DLC1: variants seen among roughly 807,000 people sequenced by gnomAD.
DLC1 encodes the protein DLC1 Rho GTPase activating protein, also known as rho GTPase-activating protein 7.
A neutral mutation model predicts 140.3 loss-of-function variants in DLC1; 54 were observed. That is an observed-to-expected ratio of 0.38 (90% CI 0.31 to 0.48). DLC1 has a LOEUF of 0.48. Among genes scored for constraint, DLC1 ranks in the 20% least tolerant of loss-of-function variants. DLC1 has a pLI of 0.96. For synonymous variants in DLC1, 986 were observed against 728.1 expected (o/e 1.35, Z -5.70); for missense variants, 2,536 against 1,907.0 (o/e 1.33, Z -6.14).
chr8:13,196,348 C>A (rs1383824794), intron 5 of DLC1, among the ~76,000 whole-genome samples: 3 of 152,084 alleles, frequency 2.0e-5, no homozygotes, highest in Non-Finnish European at 2.9e-5. Context: ...TTTCTCTATT[C>A]AAAGGGATTG....
intron 1 of DLC1, among the ~76,000 whole-genome samples, chr8:13,554,344 G>C (rs113797931): frequency 4.3e-4 from 65 of 152,252 alleles, no homozygotes; most frequent in African/African-American, 1.4e-3. Context: ...GGGATTACGC[G>C]CGTGAGCCAC....
At chr8:13,417,572 G>A (rs2117328658) in intron 2 of DLC1, among the ~76,000 whole-genome samples, 1 of 151,768 alleles carries the variant, frequency 6.6e-6, no homozygotes, top group South Asian at 2.1e-4. Context: ...AGTATTCCAT[G>A]GTGTATATGT....
At chr8:13,206,024 C>T (rs944924561) in intron 5 of DLC1, among the ~76,000 whole-genome samples, 4 of 152,094 alleles carry the variant, frequency 2.6e-5, no homozygotes, top group African/African-American at 9.7e-5. Flanking sequence ...GAACCTTGAC[C>T]TAGAGGAAAA....
At chr8:13,515,605 C>T (rs1362425991), upstream of DLC1, 2 of 152,178 alleles carry the variant, frequency 1.3e-5, no homozygotes, top group African/African-American at 4.8e-5. Flanking sequence ...ATCTCTAAAG[C>T]CGCTCATGGT....
At chr8:13,119,522 G>C (rs867241843) in intron 5 of DLC1, among the ~76,000 whole-genome samples, 1 of 152,062 alleles carries the variant, frequency 6.6e-6, no homozygotes, top group Admixed American at 6.5e-5. Flanking sequence ...TGCTTAATAC[G>C]CATAAGGCCC....
intron 4 of DLC1, among the ~76,000 whole-genome samples, chr8:13,392,205 A>G (rs1473512293): frequency 1.3e-5 from 2 of 152,148 alleles, no homozygotes; most frequent in Non-Finnish European, 1.5e-5. Context: ...CATAGCTTGT[A>G]CAGCATTTCA....
At chr8:13,596,717 C>G (rs754575975) in intron 1 of DLC1, among the ~76,000 whole-genome samples, 1 of 151,986 alleles carries the variant, frequency 6.6e-6, no homozygotes, top group Non-Finnish European at 1.5e-5. Context: ...CAGCCTCCAT[C>G]TAAAACCCTG....
chr8:13,565,302 GATTTT>G (rs1476906270), intron 1 of DLC1, among the ~76,000 whole-genome samples: 12 of 152,272 alleles, frequency 7.9e-5, no homozygotes, highest in East Asian at 5.8e-4. Flanking sequence ...GACACAGATA[GATTTT>G]ATTTTAAGTA....
At chr8:13,133,397 T>C (rs986353171) in intron 5 of DLC1, 21 of 773,446 alleles carry the variant, frequency 2.7e-5, no homozygotes, top group Non-Finnish European at 2.8e-5. Flanking sequence ...GTCGCAGGCC[T>C]TAGCGACGGG....
At chr8:13,303,995 A>G (rs77102888) in intron 5 of DLC1, among the ~76,000 whole-genome samples, 4,738 of 151,768 alleles carry the variant, frequency 0.031, 124 homozygotes, top group African/African-American at 0.071. Context: ...TCACATCCTC[A>G]TTTTCTTCTT....
At chr8:13,104,772 T>C (rs1232218246) in intron 7 of DLC1, among the ~76,000 whole-genome samples, 1 of 152,232 alleles carries the variant, frequency 6.6e-6, no homozygotes, top group Non-Finnish European at 1.5e-5. Context: ...GGTGGTAGCC[T>C]GTTTATAGAA....
At chr8:13,495,316 C>T (rs963602139) in intron 2 of DLC1, among the ~76,000 whole-genome samples, 3 of 152,132 alleles carry the variant, frequency 2.0e-5, no homozygotes, top group Non-Finnish European at 2.9e-5. Context: ...TCCATCTTCA[C>T]ATCTCATCTG....
chr8:13,479,367 CAA>C (rs532754090), intron 2 of DLC1, among the ~76,000 whole-genome samples: 2 of 151,674 alleles, frequency 1.3e-5, no homozygotes, highest in Non-Finnish European at 2.9e-5. Flanking sequence ...AGCAAAAATA[CAA>C]AAAAAGGTCG....
intron 2 of DLC1, among the ~76,000 whole-genome samples, chr8:13,443,486 C>T (rs553267085): frequency 2.0e-5 from 3 of 150,998 alleles, no homozygotes; most frequent in East Asian, 3.9e-4. Context: ...GGTGAAACCC[C>T]GTCTCTACTA....
intron 1 of DLC1, among the ~76,000 whole-genome samples, chr8:13,578,439 T>G (rs931459186): frequency 1.3e-5 from 2 of 152,144 alleles, no homozygotes; most frequent in Non-Finnish European, 2.9e-5. Flanking sequence ...ACAAACTGGG[T>G]GTCCTAGAAT....
At chr8:13,313,427 A>G (rs967619665) in intron 4 of DLC1, among the ~76,000 whole-genome samples, 10 of 152,218 alleles carry the variant, frequency 6.6e-5, no homozygotes, top group African/African-American at 2.4e-4. Context: ...TCTTACTGCC[A>G]CTAATTGGCA....
intron 4 of DLC1, among the ~76,000 whole-genome samples, chr8:13,385,924 T>C (rs1836501767): frequency 6.6e-6 from 1 of 152,172 alleles, no homozygotes; most frequent in African/African-American, 2.4e-5. Flanking sequence ...TGGAGACAAC[T>C]AGGTTTGAAA....
intron 1 of DLC1, among the ~76,000 whole-genome samples, chr8:13,537,003 G>C: frequency 6.6e-6 from 1 of 152,132 alleles, no homozygotes; most frequent in East Asian, 1.9e-4. Context: ...TTCTTGTTAA[G>C]TAGCCAATAT....
At chr8:13,214,510 A>C in intron 5 of DLC1, 1 of 673,262 alleles carries the variant, frequency 1.5e-6, no homozygotes, top group Non-Finnish European at 2.7e-6. Context: ...TGAAACTGGC[A>C]TATTGTCACA....
Sources: allele counts gnomAD v4.1 joint callset (sites outside exome capture counted in the v4.1 genomes callset), GRCh38; gene constraint gnomAD v4.1.1; transcripts MANE v1.5; gene names NCBI Gene and HGNC (gene_info 2026-07-23, HGNC 2026-07-21).